Variants in GTF2IRD1 observed in about 807,000 individuals in gnomAD.
GTF2IRD1 encodes the protein general transcription factor II-I repeat domain-containing protein 1.
A neutral mutation model predicts 113.2 loss-of-function variants in GTF2IRD1; 26 were observed. The ratio of observed to expected loss-of-function variants is 0.23; its 90% confidence interval spans 0.17 to 0.32. GTF2IRD1 has a LOEUF of 0.32. GTF2IRD1 is among the 10% of genes least tolerant of loss of function. The probability of loss-of-function intolerance (pLI) is 1.00; values close to 1 mark genes in which losing one functional copy is unlikely to be tolerated. For missense variants in GTF2IRD1, 864 were observed against 1,280.8 expected (o/e 0.67, Z 4.97); for synonymous variants, 484 against 529.1 (o/e 0.91, Z 1.17).
chr7:74,515,270 G>A, intron 3 of GTF2IRD1, 171 bp from the exon 4 acceptor site: 1 of 1,371,878 alleles, frequency 7.3e-7, no homozygotes. Flanking sequence ...CCCTCAGTGG[G>A]GTGGTTGGAA....
chr7:74,501,803 C>T (rs1796048159), intron 1 of GTF2IRD1, among the ~76,000 whole-genome samples: 1 of 152,152 alleles, frequency 6.6e-6, no homozygotes, highest in Non-Finnish European at 1.5e-5. Flanking sequence ...AGGCACCTAC[C>T]ACAGTGCCTG....
chr7:74,454,592 C>CA (rs1222132566), intron 1 of GTF2IRD1, among the ~76,000 whole-genome samples: 4 of 151,948 alleles, frequency 2.6e-5, no homozygotes, highest in African/African-American at 9.7e-5. Flanking sequence ...CGCCTTTCCC[C>CA]CCTCCACCTT....
At chr7:74,493,312 A>G (rs1392706993) in intron 1 of GTF2IRD1, among the ~76,000 whole-genome samples, 5 of 150,066 alleles carry the variant, frequency 3.3e-5, no homozygotes, top group Non-Finnish European at 7.4e-5. Flanking sequence ...GGGTCTCACT[A>G]TGTTTCCCAG....
intron 14 of GTF2IRD1, 131 bp from the exon 15 acceptor site, chr7:74,544,624 T>A: frequency 1.3e-6 from 1 of 756,796 alleles, no homozygotes; most frequent in South Asian, 1.6e-5. Flanking sequence ...CTGATCCCAT[T>A]GGAGTGGGTG....
At chr7:74,582,479 G>C (rs587736514) in intron 22 of GTF2IRD1, among the ~76,000 whole-genome samples, 1 of 152,152 alleles carries the variant, frequency 6.6e-6, no homozygotes, top group Admixed American at 6.6e-5. Context: ...GACTGGTCTT[G>C]AACTCCTGGC....
intron 22 of GTF2IRD1, among the ~76,000 whole-genome samples, chr7:74,574,674 T>G (rs587653077): frequency 4.5e-4 from 68 of 151,452 alleles, no homozygotes; most frequent in African/African-American, 1.6e-3. Flanking sequence ...TTTCCCAGGC[T>G]GGTCTGGAAC....
rs782788545 is a variant in GTF2IRD1 at position 74,601,255 on chromosome 7, T to C, written c.2766+75T>C. On this transcript the variant is annotated intron_variant, in intron 26 of 26. Transcript: ENST00000424337. ...CCCTCTGTCTGGCAGGGCCGTCTAC[T>C]CTGGGATGTGGGCCCAGGGGACGGG... The C allele has an allele frequency of 1.0e-5, 16 of 1,551,372 alleles. No homozygotes were observed. The African/African-American group carries it at 2.1e-4, about 20-fold the overall frequency.
chr7:74,580,427 T>C (rs1554365795), intron 22 of GTF2IRD1, among the ~76,000 whole-genome samples: 1 of 152,188 alleles, frequency 6.6e-6, no homozygotes, highest in Non-Finnish European at 1.5e-5. Flanking sequence ...TGAAGTCCTC[T>C]AACTAGGCGG....
chr7:74,512,730 C>A lies in GTF2IRD1; in HGVS notation c.124-100C>A. The A allele has an allele frequency of 8.8e-7, 1 of 1,140,674 alleles. No individual in the cohort carries two copies. The allele number at this position is 1,140,674 out of a possible 1,614,324, so 70.7% of individuals were successfully genotyped here. On this transcript the variant is annotated intron_variant, in intron 2 of 26. Coordinates refer to ENST00000424337, the MANE Select transcript of GTF2IRD1 (RefSeq NM_005685.4). The surrounding 1 kb of genome is among the most constrained non-coding windows in gnomAD (Gnocchi z 4.4). ...CTGTCCCTGGAGCTGCTGCTGGGGTCTCAGGCAGCTGGGAGCTCACATCCC... is the reference window on the plus strand; with the variant it reads ...CTGTCCCTGGAGCTGCTGCTGGGGTATCAGGCAGCTGGGAGCTCACATCCC...
intron 22 of GTF2IRD1, among the ~76,000 whole-genome samples, chr7:74,562,654 G>A (rs782805995): frequency 1.6e-5 from 2 of 125,488 alleles, no homozygotes; most frequent in South Asian, 2.7e-4. Flanking sequence ...TGTAACCTCC[G>A]CCTCCCAGGT....
At chr7:74,498,584 G>A (rs946551517) in intron 1 of GTF2IRD1, among the ~76,000 whole-genome samples, 3 of 151,972 alleles carry the variant, frequency 2.0e-5, no homozygotes, top group African/African-American at 7.3e-5. Context: ...TCAACTCAGG[G>A]AAGCCTTATT....
chr7:74,591,459 C>T (rs587768217), intron 24 of GTF2IRD1, among the ~76,000 whole-genome samples: 326 of 148,094 alleles, frequency 2.2e-3, no homozygotes, highest in African/African-American at 7.3e-3. Flanking sequence ...GCTCACTGCA[C>T]GCTTCACCTC....
Position 74,536,179 on chromosome 7 carries a change from C to T in GTF2IRD1, c.1313C>T (p.Thr438Ile). 1.2e-6 allele frequency: 2 copies of T among 1,612,716 alleles called. No individual in the cohort carries two copies. Among genetic ancestry groups the T allele is most frequent in the Non-Finnish European group, 1.7e-6 (2 of 1,178,748 alleles). The stretch of plus-strand genomic sequence containing the variant: ...ACTCTCCCCACAGGGAACAAGTTTA[C>T]CAAAGACACCACGAAGCTGGAGCCA... ...DERIFTGNKF[T>I]KDTTKLEPAS... is the part of the protein sequence containing the mutation. The change falls in exon 11 of 27, where the codon ACC (threonine) becomes ATC (isoleucine). Residue 438 changes from threonine (T) to isoleucine (I), a missense_variant. This residue lies in a region of GTF2IRD1 where 218 missense variants were observed against 352.6 expected (regional missense o/e 0.62). Coordinates refer to ENST00000424337, the MANE Select transcript of GTF2IRD1 (RefSeq NM_005685.4).
At position 74,569,917 on chromosome 7, in the gene GTF2IRD1, G is replaced by A. The variant is rs79250783; in HGVS notation, c.2320+10262G>A. Among the ~76,000 whole-genome samples, 945 of 152,262 alleles carry A rather than the reference G, an allele frequency of 6.2e-3. 9 individuals carry two copies. Among genetic ancestry groups the A allele is most frequent in the African/African-American group, 0.021 (872 of 41,536 alleles). On this transcript the variant is annotated intron_variant, in intron 22 of 26. Transcript: ENST00000424337. ...AGGCAGGGTGGCAGGCAGGCTGGGG[G>A]CCTCTCAGAAGCGTGGAGCTGGCAG...
In GTF2IRD1 at chr7:74,485,798, A is replaced by G. The variant is rs964834348; in HGVS notation, c.-6-22277A>G. ...AAAATTAGCCGGGTATGGTGGCGCA[A>G]TCATGTAGTCCCAGGTACTCGTGAG... On this transcript the variant is annotated intron_variant, in intron 1 of 26. Transcript: ENST00000424337. Among the ~76,000 whole-genome samples the G allele has an allele frequency of 5.9e-5, 9 of 151,722 alleles. No homozygotes were observed. The East Asian group carries it at 1.6e-3, about 27-fold the overall frequency.
chr7:74,558,641 C>T (rs782429694), intron 20 of GTF2IRD1, among the ~76,000 whole-genome samples: 10 of 152,174 alleles, frequency 6.6e-5, no homozygotes, highest in East Asian at 1.9e-4. Flanking sequence ...GCTGGGATTA[C>T]GGGCATAAGC....
Position 74,555,462 on chromosome 7 carries a change from T to A in GTF2IRD1, c.1991T>A (p.Val664Glu). 12 of 1,613,100 alleles carry A rather than the reference T, an allele frequency of 7.4e-6. No homozygotes were observed. The highest frequency in any genetic ancestry group is 1.0e-5 in the Non-Finnish European group (12 of 1,179,086). The change falls in exon 19 of 27, where the codon GTG becomes GAG. Residue 664 changes from valine to glutamate, a missense_variant. Around this residue, in one of 7 missense-constraint regions of GTF2IRD1, gnomAD observed 195 missense variants for 359.1 expected, o/e 0.54. Transcript: ENST00000424337. The surrounding 1 kb of genome is among the most constrained non-coding windows in gnomAD (Gnocchi z 5.3). The stretch of plus-strand genomic sequence containing the variant: ...GAGAGGGATTCCGGGGACCCTCTGG[T>A]GGACGAGAGCCTGAAGAGACAGGGC... ...SQERDSGDPL[V>E]DESLKRQGFQ...
intron 1 of GTF2IRD1, among the ~76,000 whole-genome samples, chr7:74,471,690 CA>C (rs1195034410): frequency 5.0e-5 from 2 of 40,340 alleles, no homozygotes; most frequent in East Asian, 4.9e-4. Flanking sequence ...AAAAAAAAAA[CA>C]AAAAAAAAAA....
intron 1 of GTF2IRD1, among the ~76,000 whole-genome samples, chr7:74,465,065 C>T (rs1394308392): frequency 6.6e-6 from 1 of 152,228 alleles, no homozygotes; most frequent in Non-Finnish European, 1.5e-5. Flanking sequence ...CTCTCTCAGT[C>T]TGATGTTTCT....
Sources: gnomAD v4.1 joint callset for allele counts (sites outside exome capture counted in the v4.1 genomes callset) on GRCh38, gnomAD v4.1.1 for gene constraint, gnomAD v4.1.1 regional missense constraint, Gnocchi (gnomAD v3.1) non-coding constraint, MANE v1.5 for transcripts, NCBI Gene and HGNC (gene_info 2026-07-23, HGNC 2026-07-21) for gene names.